The following IL2 variants were observed in gnomAD, a reference collection of about 807,000 sequenced individuals.
IL2 encodes interleukin-2.
A neutral mutation model predicts 14.6 loss-of-function variants in IL2; 3 were observed. That is an observed-to-expected ratio of 0.21 (90% CI 0.09 to 0.53). The LOEUF (loss-of-function observed/expected upper bound fraction) is 0.53. Among genes scored for constraint, IL2 ranks in the 20% least tolerant of loss-of-function variants. IL2 has a pLI of 0.95. For synonymous variants in IL2, 71 were observed against 60.0 expected (o/e 1.18, Z -0.85); for missense variants, 125 against 170.8 (o/e 0.73, Z 1.50).
rs374889117 is a variant in IL2, at chr4:122,453,706, T to C, written c.351+4A>G. On this transcript the variant is annotated splice_donor_region_variant and intron_variant, in intron 3 of 3. Coordinates refer to ENST00000226730, the MANE Select transcript of IL2 (RefSeq NM_000586.4). ...CCAGGAGAGCAAATAAAGTAATGCC[T>C]TACCTTTAGTTCCAGAACTATTACG... 3.1e-6 allele frequency: 5 copies of C among 1,599,772 alleles called. No homozygotes were observed. The highest frequency in any genetic ancestry group is 4.3e-6 in the Non-Finnish European group (5 of 1,174,126).
intron 2 of IL2, 64 bp downstream of exon 2, chr4:122,456,080 G>A: frequency 7.9e-7 from 1 of 1,257,902 alleles, no homozygotes; most frequent in Non-Finnish European, 1.2e-6. Flanking sequence ...TCCCATCTGT[G>A]CAAATTTTCA....
chr4:122,451,898 A>T, intron 3 of IL2, 36 bp from the exon 4 acceptor site: 11 of 1,136,518 alleles, frequency 9.7e-6, no homozygotes, highest in East Asian at 2.6e-5. Context: ...TAAAGTACAG[A>T]GTAGTTTACC....
Position 122,451,525 on chromosome 4 carries a change from T to C in IL2, c.*227A>G. On this transcript the variant is annotated 3_prime_UTR_variant, in exon 4 of 4. Coordinates refer to ENST00000226730, the MANE Select transcript of IL2 (RefSeq NM_000586.4). ...TACTAACCAATCTACATAGATACTATATTTAACATTCAACATAATAATAAA... is the reference window on the plus strand; with the variant it reads ...TACTAACCAATCTACATAGATACTACATTTAACATTCAACATAATAATAAA... The C allele has an allele frequency of 7.6e-6, 2 of 261,516 alleles. No individual in the cohort carries two copies. The highest frequency in any genetic ancestry group is 1.2e-3 in the Middle Eastern group (1 of 834). 16.2% of individuals were successfully genotyped at this position (261,516 alleles called of 1,614,324 possible). A position where few individuals can be genotyped will look rare whatever the true frequency, so the allele number is the denominator to read the frequency against.
At chr4:122,452,437 C>A (rs1311944918) in intron 3 of IL2, among the ~76,000 whole-genome samples, 1 of 151,992 alleles carries the variant, frequency 6.6e-6, no homozygotes, top group African/African-American at 2.4e-5. Flanking sequence ...ATCCCTACCC[C>A]ATCATAGTAT....
chr4:122,452,005 T>C (rs1797681298), intron 3 of IL2, 143 bp from the exon 4 acceptor site: 1 of 383,286 alleles, frequency 2.6e-6, no homozygotes, highest in East Asian at 3.8e-5. Flanking sequence ...CTTGAAATGA[T>C]CAAAATGAAT....
chr4:122,453,413 AAACTC>A (rs1797695487), intron 3 of IL2, among the ~76,000 whole-genome samples: 1 of 152,006 alleles, frequency 6.6e-6, no homozygotes, highest in South Asian at 2.1e-4. Context: ...GCTTTCTGTG[AAACTC>A]AACTCAGTAC....
chr4:122,456,289 C>G lies in IL2; in HGVS notation c.147+5G>C, dbSNP rs774421471. ...TAATTTTAGTAAGAAAGGAAATATA[C>G]TTACATTAATTCCATTCAAAATCAT... On this transcript the variant is annotated splice_donor_5th_base_variant and intron_variant, in intron 1 of 3. Transcript: ENST00000226730. The G allele has an allele frequency of 6.2e-7, 1 of 1,605,288 alleles. No individual in the cohort carries two copies. The highest frequency in any genetic ancestry group is 8.5e-7 in the Non-Finnish European group (1 of 1,172,894).
chr4:122,455,396 A>G (rs2150633947), intron 2 of IL2, among the ~76,000 whole-genome samples: 1 of 152,058 alleles, frequency 6.6e-6, no homozygotes, highest in African/African-American at 2.4e-5. Flanking sequence ...AAAATAAGTC[A>G]TATAGCATTA....
At chr4:122,455,595 G>A (rs1200907858) in intron 2 of IL2, among the ~76,000 whole-genome samples, 1 of 151,846 alleles carries the variant, frequency 6.6e-6, no homozygotes, top group Non-Finnish European at 1.5e-5. Context: ...AGTATATACA[G>A]TTATTCATTT....
intron 2 of IL2, among the ~76,000 whole-genome samples, chr4:122,454,915 A>G (rs1193041708): frequency 6.6e-6 from 1 of 151,832 alleles, no homozygotes; most frequent in Non-Finnish European, 1.5e-5. Context: ...GGTCAAGACA[A>G]TACCAATCCC....
chr4:122,455,868 C>G (rs1349076625), intron 2 of IL2, among the ~76,000 whole-genome samples: 6 of 151,716 alleles, frequency 4.0e-5, no homozygotes, highest in Non-Finnish European at 5.9e-5. Context: ...TTAAATGAAA[C>G]CATAAATGAA....
intron 2 of IL2, 145 bp downstream of exon 2, chr4:122,455,999 T>G (rs1797726568): frequency 1.7e-6 from 1 of 586,834 alleles, no homozygotes; most frequent in Non-Finnish European, 3.0e-6. Context: ...TAATAGAGGC[T>G]TCATTATCAA....
Position 122,456,294 on chromosome 4 carries a change from A to G in IL2, c.147T>C (p.Asn49=), listed in dbSNP as rs745933087. 6.2e-7 allele frequency: 1 copy of G among 1,606,660 alleles called. No individual in the cohort carries two copies. Among genetic ancestry groups the G allele is most frequent in the Admixed American group, 1.7e-5 (1 of 59,696 alleles). The part of the protein sequence containing the change: ...LDLQMILNGI[N]NYKNPKLTRM... ...TTAGTAAGAAAGGAAATATACTTAC[A>G]TTAATTCCATTCAAAATCATCTGTA... The change falls in exon 1 of 4, where the codon AAT becomes AAC. Residue 49 remains asparagine (N), a splice_region_variant and synonymous_variant. Coordinates refer to ENST00000226730, the MANE Select transcript of IL2 (RefSeq NM_000586.4).
At chr4:122,455,349 G>A (rs1797719134) in intron 2 of IL2, among the ~76,000 whole-genome samples, 2 of 151,700 alleles carry the variant, frequency 1.3e-5, no homozygotes, top group African/African-American at 4.8e-5. Context: ...TGCTCTATCT[G>A]AATCCAAAAA....
chr4:122,454,000 T>C, intron 2 of IL2, 147 bp from the exon 3 acceptor site: 1 of 674,310 alleles, frequency 1.5e-6, no homozygotes, highest in East Asian at 2.9e-5. Flanking sequence ...CAGTAGAGTT[T>C]ACATTATAAA....
At chr4:122,451,913 A>G (rs1186984038) in intron 3 of IL2, 51 bp from the exon 4 acceptor site, 7 of 829,704 alleles carry the variant, frequency 8.4e-6, no homozygotes, top group Non-Finnish European at 1.3e-5. Flanking sequence ...TTTACCTTAT[A>G]TACAGTTATT....
intron 2 of IL2, 31 bp from the exon 3 acceptor site, chr4:122,453,884 AC>A (rs1560620363): frequency 6.4e-7 from 1 of 1,569,972 alleles, no homozygotes; most frequent in South Asian, 1.2e-5. Flanking sequence ...AGCTCAGTTT[AC>A]ATAGAGGTCA....
Position 122,454,476 on chromosome 4 carries a change from C to CT in IL2, c.208-624dup, listed in dbSNP as rs1408950177. Among the ~76,000 whole-genome samples the CT allele has an allele frequency of 6.6e-5, 10 of 151,806 alleles. No individual in the cohort carries two copies. The East Asian group carries it at 1.9e-3, about 29-fold the overall frequency. On this transcript the variant is annotated intron_variant, in intron 2 of 3. Coordinates refer to ENST00000226730, the MANE Select transcript of IL2 (RefSeq NM_000586.4). ...AAAAAATTATAATACTTTGGGAGGACTTTTGGACAGGCCTCTTGATTCTAT... is the reference window on the plus strand; with the variant it reads ...AAAAAATTATAATACTTTGGGAGGACTTTTTGGACAGGCCTCTTGATTCTAT...
intron 3 of IL2, among the ~76,000 whole-genome samples, chr4:122,452,984 A>C (rs1797690810): frequency 1.3e-5 from 2 of 151,886 alleles, no homozygotes; most frequent in South Asian, 4.1e-4. Flanking sequence ...TCCACTAATA[A>C]GTGATTCATT....
Sources: allele counts gnomAD v4.1 joint callset (sites outside exome capture counted in the v4.1 genomes callset), GRCh38; gene constraint gnomAD v4.1.1; transcripts MANE v1.5; gene names NCBI Gene and HGNC (gene_info 2026-07-23, HGNC 2026-07-21).